HYCC2: variants seen among roughly 807,000 people sequenced by gnomAD.
HYCC2 encodes hyccin 2.
At chr2:201,048,286 C>T in the HYCC2 span, among the ~76,000 whole-genome samples, 1 of 151,802 alleles carries the variant, frequency 6.6e-6, no homozygotes, top group Non-Finnish European at 1.5e-5. Context: ...AATATTTAAT[C>T]TAAAAGCAGG....
At chr2:201,011,373 C>A in the HYCC2 span, 1 of 1,395,058 alleles carries the variant, frequency 7.2e-7, no homozygotes, top group Non-Finnish European at 9.8e-7. Context: ...AATAATTCCA[C>A]CTTTCCAATG....
At chr2:201,038,355 A>G in the HYCC2 span, among the ~76,000 whole-genome samples, 1 of 152,172 alleles carries the variant, frequency 6.6e-6, no homozygotes, top group Non-Finnish European at 1.5e-5. Context: ...GGGATCTAGA[A>G]CTAGAAATAC....
the HYCC2 span, among the ~76,000 whole-genome samples, chr2:201,017,764 A>C: frequency 6.6e-6 from 1 of 152,186 alleles, no homozygotes; most frequent in African/African-American, 2.4e-5. Context: ...TTGTTACTTA[A>C]ATCTGTGAAA....
At chr2:201,057,899 G>A in the HYCC2 span, among the ~76,000 whole-genome samples, 3 of 152,176 alleles carry the variant, frequency 2.0e-5, no homozygotes, top group Admixed American at 2.0e-4. Context: ...GGATCTATCG[G>A]TTTGGCTAAA....
chr2:201,024,303 C>T, the HYCC2 span, among the ~76,000 whole-genome samples: 1 of 151,878 alleles, frequency 6.6e-6, no homozygotes, highest in Non-Finnish European at 1.5e-5. Flanking sequence ...AGCCTGGCAA[C>T]ACAGTGAGAC....
chr2:200,981,530 G>A, the HYCC2 span: 1 of 1,614,176 alleles, frequency 6.2e-7, no homozygotes, highest in East Asian at 2.2e-5. The surrounding 1 kb of genome is among the most constrained non-coding windows in gnomAD (Gnocchi z 4.5). Context: ...GTCCGGATTA[G>A]ACTTAAGCTA....
chr2:201,054,279 C>T, the HYCC2 span, among the ~76,000 whole-genome samples: 1,727 of 152,328 alleles, frequency 0.011, 17 homozygotes, highest in Non-Finnish European at 0.017. Flanking sequence ...TTCTTCCAGA[C>T]TTCATTCCAT....
the HYCC2 span, among the ~76,000 whole-genome samples, chr2:201,042,529 G>A: frequency 3.3e-5 from 5 of 151,184 alleles, no homozygotes; most frequent in East Asian, 5.9e-4. Context: ...CTGCCCCGCC[G>A]CCACCCCGTC....
the HYCC2 span, among the ~76,000 whole-genome samples, chr2:201,007,794 T>C: frequency 6.6e-6 from 1 of 152,094 alleles, no homozygotes; most frequent in Admixed American, 6.5e-5. Context: ...ATCAACCAAG[T>C]AGGCAATCAA....
chr2:201,033,782 T>A, the HYCC2 span, among the ~76,000 whole-genome samples: 3 of 151,986 alleles, frequency 2.0e-5, no homozygotes, highest in Non-Finnish European at 2.9e-5. Flanking sequence ...CAAGCACTCT[T>A]CCCATCTCGG....
At chr2:201,031,739 A>C in the HYCC2 span, among the ~76,000 whole-genome samples, 1 of 152,310 alleles carries the variant, frequency 6.6e-6, no homozygotes, top group East Asian at 1.9e-4. Flanking sequence ...TTTACTCTTT[A>C]AACAATCTGG....
At chr2:201,065,160 C>A in the HYCC2 span, among the ~76,000 whole-genome samples, 1 of 152,204 alleles carries the variant, frequency 6.6e-6, no homozygotes, top group East Asian at 1.9e-4. Context: ...AACCACGAAT[C>A]TGTTCTCTAT....
At chr2:201,047,680 A>G in the HYCC2 span, among the ~76,000 whole-genome samples, 234 of 151,524 alleles carry the variant, frequency 1.5e-3, 1 homozygote, top group African/African-American at 5.5e-3. Flanking sequence ...AAGGATGGAG[A>G]AAAAAATCAT....
At chr2:201,063,345 C>T in the HYCC2 span, 2 of 1,560,884 alleles carry the variant, frequency 1.3e-6, no homozygotes, top group East Asian at 2.2e-5. Flanking sequence ...GTCGTGGAAC[C>T]AAAGAGAGCT....
chr2:201,058,133 C>G, the HYCC2 span, among the ~76,000 whole-genome samples: 35 of 152,266 alleles, frequency 2.3e-4, no homozygotes, highest in African/African-American at 8.2e-4. Context: ...TCCCCTTCTT[C>G]CAACACTCAG....
At chr2:201,015,029 G>A in the HYCC2 span, among the ~76,000 whole-genome samples, 3 of 152,148 alleles carry the variant, frequency 2.0e-5, no homozygotes, top group South Asian at 6.2e-4. Flanking sequence ...TAACACTGTG[G>A]TTTCTCAATT....
the HYCC2 span, among the ~76,000 whole-genome samples, chr2:201,045,220 G>C: frequency 5.4e-4 from 82 of 152,292 alleles, no homozygotes; most frequent in African/African-American, 1.7e-3. Flanking sequence ...CTATTGGACA[G>C]CATCGATCTA....
chr2:201,013,644 G>A, the HYCC2 span, among the ~76,000 whole-genome samples: 2 of 152,108 alleles, frequency 1.3e-5, no homozygotes, highest in Non-Finnish European at 2.9e-5. Context: ...AGGAAAATAG[G>A]TCTGAAAAGT....
the HYCC2 span, among the ~76,000 whole-genome samples, chr2:201,002,820 G>A: frequency 3.9e-5 from 6 of 152,068 alleles, no homozygotes; most frequent in African/African-American, 1.4e-4. Flanking sequence ...ACTGCACCCG[G>A]CCACAGATAT....
Sources: allele counts gnomAD v4.1 joint callset (sites outside exome capture counted in the v4.1 genomes callset), GRCh38; gene constraint gnomAD v4.1.1; non-coding constraint Gnocchi (gnomAD v3.1); transcripts MANE v1.5; gene names NCBI Gene and HGNC (gene_info 2026-07-23, HGNC 2026-07-21).